Variants in TRPM4 observed in about 807,000 individuals in gnomAD.
TRPM4 encodes transient receptor potential cation channel subfamily M member 4, also known as calcium-activated non-selective cation channel 1.
TRPM4 carries 124 observed loss-of-function variants against 135.6 expected under a neutral mutation model. That is an observed-to-expected ratio of 0.91 (90% CI 0.79 to 1.06). The LOEUF (loss-of-function observed/expected upper bound fraction) is 1.06, where lower values mean the gene tolerates loss of function less well. Ranked by LOEUF, TRPM4 falls within the 50% of genes least tolerant of loss-of-function variation. The pLI, the probability that TRPM4 is intolerant of heterozygous loss-of-function variation, is 0.00. For missense variants in TRPM4, 1,658 were observed against 1,671.4 expected (o/e 0.99, Z 0.14); for synonymous variants, 745 against 705.6 (o/e 1.06, Z -0.88).
chr19:49,190,140 C>T (rs1968354446), intron 14 of TRPM4, 68 bp from the exon 15 acceptor site: 1 of 1,359,798 alleles, frequency 7.4e-7, no homozygotes, highest in Non-Finnish European at 1.1e-6. Flanking sequence ...CAGTCCAACC[C>T]TTGCTGGGCG....
intron 12 of TRPM4, 50 bp downstream of exon 12, chr19:49,183,262 T>C: frequency 6.2e-7 from 1 of 1,612,300 alleles, no homozygotes. Context: ...GGCCACTGGA[T>C]GCCAGTGTTC....
chr19:49,159,222 G>T (rs2041590296), intron 2 of TRPM4: 3 of 151,918 alleles, frequency 2.0e-5, no homozygotes, highest in African/African-American at 7.3e-5. Context: ...AGTAGAGACG[G>T]GGTTTCACCG....
rs59367106 is a variant in TRPM4 at position 49,209,419 on chromosome 19, C to T, written c.3132-790C>T. ...GGTTTTGGGCTTTTCTTTATTGAAA[C>T]GTTTTTGATTCAATCTCTTATGATA... On this transcript the variant is annotated intron_variant, in intron 20 of 24. Coordinates refer to ENST00000252826, the MANE Select transcript of TRPM4 (RefSeq NM_017636.4). Among the ~76,000 whole-genome samples the T allele has an allele frequency of 2.6e-3, 391 of 152,102 alleles. 1 individual carries two copies. The highest frequency in any genetic ancestry group is 4.2e-3 in the Non-Finnish European group (285 of 67,980).
Position 49,171,682 on chromosome 19 carries a change from A to G in TRPM4, c.963A>G (p.Pro321=). ...AGACCCTGGAAGACACTCTGGCCCC[A>G]GGGAGTGGGGGAGCCAGGCAAGGCG... The part of the protein sequence containing the change: ...LAETLEDTLA[P]GSGGARQGEA... Residue 321 remains proline (P), a synonymous_variant, in exon 8 of 25, where the codon CCA becomes CCG. Transcript: ENST00000252826. The surrounding 1 kb of genome is among the most constrained non-coding windows in gnomAD (Gnocchi z 4.7). 1 of 1,614,002 alleles carries G rather than the reference A, an allele frequency of 6.2e-7. No homozygotes were observed. Among genetic ancestry groups the G allele is most frequent in the African/African-American group, 1.3e-5 (1 of 75,030 alleles).
chr19:49,187,447 C>T (rs1259106279), intron 12 of TRPM4, among the ~76,000 whole-genome samples: 3 of 151,794 alleles, frequency 2.0e-5, no homozygotes, highest in Admixed American at 1.3e-4. Context: ...TGGGCTCATT[C>T]GATCCTCCTA....
At position 49,203,024 on chromosome 19, in the gene TRPM4, G is replaced by A. The variant is rs1440539464; in HGVS notation, c.3131+883G>A. 7.3e-5 allele frequency among the ~76,000 whole-genome samples: 11 copies of A among 151,308 alleles called. 1 individual carries two copies. The South Asian group carries it at 1.9e-3, about 26-fold the overall frequency. On this transcript the variant is annotated intron_variant, in intron 20 of 24. Coordinates refer to ENST00000252826, the MANE Select transcript of TRPM4 (RefSeq NM_017636.4). ...TCCTACCTCAGCCTCCTGAGTAGCT[G>A]GGACTACAGGTGCCCGCCACCACGC...
chr19:49,176,669 T>C (rs892214316), intron 9 of TRPM4, among the ~76,000 whole-genome samples: 1 of 152,150 alleles, frequency 6.6e-6, no homozygotes, highest in Non-Finnish European at 1.5e-5. Context: ...CTGGCCACCA[T>C]GGCAAAACCC....
Position 49,196,568 on chromosome 19 carries a change from T to G in TRPM4, c.2339T>G (p.Val780Gly). 1 of 1,555,322 alleles carries G rather than the reference T, an allele frequency of 6.4e-7. No homozygotes were observed. The highest frequency in any genetic ancestry group is 8.7e-7 in the Non-Finnish European group (1 of 1,152,874). ...TGGTTCCACTTCTGGGGCGCGCCGGTGACCATCTTCATGGGCAACGTGGTC... is the reference window on the plus strand; with the variant it reads ...TGGTTCCACTTCTGGGGCGCGCCGGGGACCATCTTCATGGGCAACGTGGTC... The part of the protein sequence containing the change: ...RRWFHFWGAP[V>G]TIFMGNVVSY... Residue 780 changes from valine to glycine, a missense_variant, in exon 17 of 25, where the codon GTG becomes GGG. Around this residue, in one of 3 missense-constraint regions of TRPM4, gnomAD observed 1,412 missense variants for 1,408.7 expected, o/e 1.00. Coordinates refer to ENST00000252826, the MANE Select transcript of TRPM4 (RefSeq NM_017636.4).
intron 16 of TRPM4, among the ~76,000 whole-genome samples, chr19:49,194,958 C>T (rs1195037096): frequency 6.7e-6 from 1 of 149,398 alleles, no homozygotes; most frequent in Non-Finnish European, 1.5e-5. Context: ...GATGGGGTTT[C>T]ACCATGTTGC....
chr19:49,167,977 T>C lies in TRPM4; in HGVS notation c.328T>C (p.Trp110Arg), dbSNP rs1568458810. 2.5e-6 allele frequency: 4 copies of C among 1,614,062 alleles called. No individual in the cohort carries two copies. The highest frequency in any genetic ancestry group is 2.5e-6 in the Non-Finnish European group (3 of 1,180,028). ...AAVYSLVTRT[W>R]GFRAPNLVVS... is the part of the protein sequence containing the mutation. ...AGTTTATAGTCTGGTCACACGCACA[T>C]GGGGCTTCCGTGCCCCGAACCTGGT... The change falls in exon 4 of 25, where the codon TGG becomes CGG. Residue 110 changes from tryptophan (W) to arginine (R), a missense_variant. Coordinates refer to ENST00000252826, the MANE Select transcript of TRPM4 (RefSeq NM_017636.4).
At chr19:49,165,424 C>T (rs759538071) in intron 2 of TRPM4, among the ~76,000 whole-genome samples, 4 of 152,162 alleles carry the variant, frequency 2.6e-5, no homozygotes, top group Non-Finnish European at 5.9e-5. Context: ...ATGACTTTCT[C>T]ACTGCGTTAT....
rs536942370 is a variant in TRPM4, at chr19:49,196,509, G to T, written c.2280G>T (p.Gly760=). Residue 760 remains glycine, a synonymous_variant, in exon 17 of 25, where the codon GGG becomes GGT. Coordinates refer to ENST00000252826, the MANE Select transcript of TRPM4 (RefSeq NM_017636.4). The part of the protein sequence containing the change: ...PRQSGRPGCC[G]GRCGGRRCLR... ...AGTCGGGCCGTCCGGGTTGCTGCGGGGGCCGCTGCGGGGGGCGCCGGTGCC... is the reference window on the plus strand; with the variant it reads ...AGTCGGGCCGTCCGGGTTGCTGCGGTGGCCGCTGCGGGGGGCGCCGGTGCC... 6.5e-6 allele frequency: 10 copies of T among 1,533,850 alleles called. No homozygotes were observed. The Admixed American group carries it at 7.8e-5, about 12-fold the overall frequency.
At chr19:49,184,522 T>TCAATCTC (rs1968123771) in intron 12 of TRPM4, among the ~76,000 whole-genome samples, 1 of 132,602 alleles carries the variant, frequency 7.5e-6, no homozygotes, top group Non-Finnish European at 1.6e-5. Flanking sequence ...GTGCAGTGGC[T>TCAATCTC]CAATCTCCGC....
intron 16 of TRPM4, among the ~76,000 whole-genome samples, chr19:49,195,760 T>C (rs1486727863): frequency 6.6e-6 from 1 of 151,290 alleles, no homozygotes; most frequent in East Asian, 1.9e-4. Flanking sequence ...CATGGCTGAC[T>C]GCAGCCTGGG....
intron 16 of TRPM4, among the ~76,000 whole-genome samples, chr19:49,193,080 G>GGTTTTTTT (rs544387196): frequency 7.5e-6 from 1 of 132,800 alleles, no homozygotes; most frequent in African/African-American, 2.8e-5. Context: ...AAATCAGTTG[G>GGTTTTTTT]TTTTTTTTTT....
In TRPM4 at chr19:49,194,545, T is replaced by A. The variant is rs181644280; in HGVS notation, c.2211-1895T>A. Among the ~76,000 whole-genome samples the A allele has an allele frequency of 7.6e-3, 1,162 of 151,922 alleles. 7 individuals carry two copies. Among genetic ancestry groups the A allele is most frequent in the Non-Finnish European group, 0.012 (814 of 67,928 alleles). ...CAGGCATACACCACTGCGCTTGGCC[T>A]CACTTATTTCCTTCCTTCCTCCTTC... On this transcript the variant is annotated intron_variant, in intron 16 of 24. Transcript: ENST00000252826.
intron 9 of TRPM4, among the ~76,000 whole-genome samples, chr19:49,180,156 T>C (rs1480184225): frequency 6.6e-6 from 1 of 152,144 alleles, no homozygotes. Flanking sequence ...GAGATAGATA[T>C]GGAGCAAGTG....
chr19:49,190,480 A>T (rs542238428), intron 15 of TRPM4, among the ~76,000 whole-genome samples, 160 bp downstream of exon 15: 13 of 149,068 alleles, frequency 8.7e-5, no homozygotes, highest in African/African-American at 2.5e-4. Flanking sequence ...GTGGGAGGTG[A>T]GTTTTGGGGG....
rs755896816 is a variant in TRPM4, at chr19:49,189,009, G to A, written c.1937G>A (p.Cys646Tyr). Residue 646 changes from cysteine to tyrosine, a missense_variant, in exon 14 of 25, where the codon TGC becomes TAC. Physicochemically the swap from Cys to Tyr is radical, Grantham distance 194 (BLOSUM62 -2). Transcript: ENST00000252826. ...VRAARLLLRRCPLWGDATCLQ... is the reference protein window; with the variant it reads ...VRAARLLLRRYPLWGDATCLQ... The stretch of plus-strand genomic sequence containing the variant: ...GCTGCCCGCCTCCTCCTCCGTCGCT[G>A]CCCGCTCTGGGGGGATGCCACTTGC... 6.2e-7 allele frequency: 1 copy of A among 1,614,146 alleles called. No homozygotes were observed. The highest frequency in any genetic ancestry group is 1.1e-5 in the South Asian group (1 of 91,080).
Sources: allele counts gnomAD v4.1 joint callset (sites outside exome capture counted in the v4.1 genomes callset), GRCh38; gene constraint gnomAD v4.1.1; regional missense constraint gnomAD v4.1.1; non-coding constraint Gnocchi (gnomAD v3.1); transcripts MANE v1.5; gene names NCBI Gene and HGNC (gene_info 2026-07-23, HGNC 2026-07-21).